The following MEGF11 variants were observed in gnomAD, a reference collection of about 807,000 sequenced individuals.
MEGF11 encodes multiple epidermal growth factor-like domains protein 11.
MEGF11 carries 126 observed loss-of-function variants against 146.6 expected under a neutral mutation model. That is an observed-to-expected ratio of 0.86 (90% CI 0.74 to 1.00). The LOEUF is 1.00. MEGF11 is among the 50% of genes least tolerant of loss of function. The probability of loss-of-function intolerance (pLI) is 0.00; values close to 1 mark genes in which losing one functional copy is unlikely to be tolerated. For missense variants in MEGF11, 1,509 were observed against 1,521.2 expected, an observed-to-expected ratio of 0.99 and a Z score of 0.13; for synonymous variants, 532 against 583.4, an observed-to-expected ratio of 0.91 and a Z score of 1.27.
At chr15:66,019,057 TCTCC>T (rs1440453662) in intron 5 of MEGF11, among the ~76,000 whole-genome samples, 1 of 152,148 alleles carries the variant, frequency 6.6e-6, no homozygotes, top group Non-Finnish European at 1.5e-5. Context: ...CCTGTGGGAC[TCTCC>T]CTGTCTCCAC....
At chr15:66,100,011 G>T (rs574475506) in intron 4 of MEGF11, among the ~76,000 whole-genome samples, 19 of 152,170 alleles carry the variant, frequency 1.2e-4, no homozygotes, top group Non-Finnish European at 2.6e-4. Flanking sequence ...AGAGGAGCGT[G>T]GAATGAAAGG....
chr15:65,909,231 G>T, intron 22 of MEGF11, 96 bp from the exon 23 acceptor site: 2 of 888,572 alleles, frequency 2.3e-6, no homozygotes, highest in Non-Finnish European at 3.6e-6. Flanking sequence ...CAGGGTCAGG[G>T]TGAGGCAGGC....
chr15:66,252,200 C>T (rs1293773661), intron 1 of MEGF11, among the ~76,000 whole-genome samples: 1 of 151,570 alleles, frequency 6.6e-6, no homozygotes, highest in African/African-American at 2.4e-5. Context: ...TTGCCCCAGC[C>T]GGCCGCCGCG....
chr15:66,159,640 T>C (rs1340003429), intron 1 of MEGF11, among the ~76,000 whole-genome samples: 1 of 152,104 alleles, frequency 6.6e-6, no homozygotes, highest in Non-Finnish European at 1.5e-5. Flanking sequence ...GTCATGAGCA[T>C]TGGTGCTAGA....
rs2091636841 is a variant in MEGF11 at position 66,218,238 on chromosome 15, C to G, written c.-9+35367G>C. Reference sequence around the variant, plus strand: ...GAGGGAGATACATTAAAGAAAGGAACAAAATGAAAGCTAACTGATGAGTTG... The same window carrying G: ...GAGGGAGATACATTAAAGAAAGGAAGAAAATGAAAGCTAACTGATGAGTTG... On this transcript the variant is annotated intron_variant, in intron 1 of 25. Transcript: ENST00000395614. Among the ~76,000 whole-genome samples, 4 of 152,278 alleles carry G rather than the reference C, an allele frequency of 2.6e-5. No individual in the cohort carries two copies. The South Asian group carries it at 8.3e-4, about 32-fold the overall frequency.
At chr15:66,208,331 AT>A (rs1419458317) in intron 1 of MEGF11, among the ~76,000 whole-genome samples, 1 of 152,212 alleles carries the variant, frequency 6.6e-6, no homozygotes, top group Non-Finnish European at 1.5e-5. Flanking sequence ...TAGAGCAACC[AT>A]TTAAAAGGCT....
intron 10 of MEGF11, among the ~76,000 whole-genome samples, chr15:65,956,430 A>C (rs1370118808): frequency 6.6e-6 from 1 of 152,226 alleles, no homozygotes; most frequent in East Asian, 1.9e-4. Context: ...CCTGATAGCA[A>C]CCTTGCGAGG....
At chr15:66,231,302 C>T (rs2091962681) in intron 1 of MEGF11, among the ~76,000 whole-genome samples, 1 of 151,932 alleles carries the variant, frequency 6.6e-6, no homozygotes, top group African/African-American at 2.4e-5. Flanking sequence ...AAGGAGTGTG[C>T]TGCAGATGAA....
chr15:66,220,948 G>C (rs897977033), intron 1 of MEGF11, among the ~76,000 whole-genome samples: 10 of 152,144 alleles, frequency 6.6e-5, no homozygotes, highest in Non-Finnish European at 1.5e-4. Context: ...AAAAGTGAGT[G>C]CATGTAAAAA....
rs1706599561 is a variant in MEGF11 at position 65,918,031 on chromosome 15, G to A, written c.2021C>T (p.Thr674Ile). The A allele has an allele frequency of 6.2e-7, 1 of 1,614,006 alleles. No individual in the cohort carries two copies. The highest frequency in any genetic ancestry group is 8.5e-7 in the Non-Finnish European group (1 of 1,179,888). The change falls in exon 16 of 26, where the codon ACC (threonine) becomes ATC (isoleucine). Residue 674 changes from threonine to isoleucine, a missense_variant. Transcript: ENST00000395614. ...AQLCSCANNG[T>I]CSPIDGSCQC... ...GCAGGAGCCATCGATAGGGCTGCAG[G>A]TCCCGTTGTTGGCACAGGAGCAGAG... is the stretch of plus-strand genomic sequence containing the variant.
intron 1 of MEGF11, among the ~76,000 whole-genome samples, chr15:66,177,003 G>A (rs74839871): frequency 0.026 from 3,950 of 152,232 alleles, 161 homozygotes; most frequent in African/African-American, 0.088. Flanking sequence ...CTAACCCCTG[G>A]TAACTCCCAC....
At position 66,197,359 on chromosome 15, in the gene MEGF11, A is replaced by T. The variant is rs541552381; in HGVS notation, c.-9+56246T>A. On this transcript the variant is annotated intron_variant, in intron 1 of 25. Coordinates refer to ENST00000395614, the MANE Select transcript of MEGF11 (RefSeq NM_001385028.1). Reference sequence around the variant, plus strand: ...TATGTTCACTCTCATCTCCAGGTTCATTCCATGCACATTTTCCCTGCCTTT... The same window carrying T: ...TATGTTCACTCTCATCTCCAGGTTCTTTCCATGCACATTTTCCCTGCCTTT... Among the ~76,000 whole-genome samples the T allele has an allele frequency of 2.6e-5, 4 of 152,278 alleles. No individual in the cohort carries two copies. The South Asian group carries it at 8.3e-4, about 32-fold the overall frequency.
chr15:66,082,642 A>T (rs1022244811), intron 5 of MEGF11, among the ~76,000 whole-genome samples: 1 of 128,504 alleles, frequency 7.8e-6, no homozygotes, highest in South Asian at 2.9e-4. Context: ...TGTATTCTGT[A>T]TTCCAGCAAG....
chr15:66,012,661 G>A (rs76394551), intron 5 of MEGF11, among the ~76,000 whole-genome samples: 7,540 of 152,312 alleles, frequency 0.05, 247 homozygotes, highest in Non-Finnish European at 0.062. Flanking sequence ...ATTTCCTGTT[G>A]GGAACAAATA....
intron 1 of MEGF11, among the ~76,000 whole-genome samples, chr15:66,206,373 G>T (rs546417172): frequency 2.0e-5 from 3 of 152,222 alleles, no homozygotes; most frequent in African/African-American, 7.2e-5. Context: ...CTGAAAGAGT[G>T]CTTAAAGAAA....
rs1555456992 is a variant in MEGF11, at chr15:65,965,600, C to CTTTCT, written c.900-481_900-480insAGAAA. ...TCTTTCTTTCTTTCTTTCTTTCTTT[C>CTTTCT]TTTTTTTTTTTTCTTTTTTTTTTTT... is the stretch of plus-strand genomic sequence containing the variant. On this transcript the variant is annotated intron_variant, in intron 8 of 25. Transcript: ENST00000395614. Among the ~76,000 whole-genome samples, 140 of 18,832 alleles carry CTTTCT rather than the reference C, an allele frequency of 7.4e-3. 3 individuals are homozygous for CTTTCT. The highest frequency in any genetic ancestry group is 0.016 in the East Asian group (4 of 248). The allele number at this position is 18,832 out of a possible 152,430, so 12.4% of individuals were successfully genotyped here. A position where few individuals can be genotyped will look rare whatever the true frequency, so the allele number is the denominator to read the frequency against.
At position 65,964,826 on chromosome 15, in the gene MEGF11, G is replaced by T. The variant is rs537235125; in HGVS notation, c.1112+82C>A. ...CTGCCTGGATGTCCATGCTAGAGGT[G>T]GGGGGCCACATCCTAGCAAGCCTCC... On this transcript the variant is annotated intron_variant, in intron 9 of 25. Transcript: ENST00000395614. 7 of 1,309,606 alleles carry T rather than the reference G, an allele frequency of 5.3e-6. No homozygotes were observed. In the East Asian group the frequency reaches 1.8e-4, roughly 34 times the overall value. 81.1% of individuals were successfully genotyped at this position (1,309,606 alleles called of 1,614,324 possible).
chr15:66,164,109 G>T (rs1430818085), intron 1 of MEGF11, among the ~76,000 whole-genome samples: 2 of 152,156 alleles, frequency 1.3e-5, no homozygotes, highest in Admixed American at 1.3e-4. Flanking sequence ...GGGTGGGGTG[G>T]AGGTCCATTG....
At chr15:66,167,267 G>C (rs936801692) in intron 1 of MEGF11, among the ~76,000 whole-genome samples, 1 of 152,210 alleles carries the variant, frequency 6.6e-6, no homozygotes, top group Admixed American at 6.5e-5. Context: ...CCCAGAGGGA[G>C]ACTCCATCCT....
Sources: allele counts gnomAD v4.1 joint callset (sites outside exome capture counted in the v4.1 genomes callset), GRCh38; gene constraint gnomAD v4.1.1; transcripts MANE v1.5; gene names NCBI Gene and HGNC (gene_info 2026-07-23, HGNC 2026-07-21).